Variants in FAM185A observed in about 807,000 individuals in gnomAD.
The protein encoded by FAM185A is protein FAM185A.
In FAM185A, 21 loss-of-function variants were observed where a neutral mutation model predicts 45.7. That is an observed-to-expected ratio of 0.46 (90% confidence interval 0.33 to 0.66). FAM185A has a LOEUF of 0.66. Ranked by LOEUF, FAM185A falls within the 30% of genes least tolerant of loss-of-function variation. The pLI is 0.03. For synonymous variants in FAM185A, 117 were observed against 194.0 expected, an observed-to-expected ratio of 0.60 and a Z score of 3.30; for missense variants, 305 against 485.4, an observed-to-expected ratio of 0.63 and a Z score of 3.49.
chr7:102,827,489 T>C, the FAM185A span, among the ~76,000 whole-genome samples: 1 of 152,302 alleles, frequency 6.6e-6, no homozygotes, highest in Non-Finnish European at 1.5e-5. Flanking sequence ...GTGCCAGGAA[T>C]CTCATCCTTT....
At chr7:102,777,623 CTG>C (rs1259474019) in intron 6 of FAM185A, among the ~76,000 whole-genome samples, 224 of 152,252 alleles carry the variant, frequency 1.5e-3, no homozygotes, top group African/African-American at 5.0e-3. Context: ...AAATGTTACT[CTG>C]TGGATTTTTC....
At chr7:102,801,878 C>T (rs1351309560) in intron 7 of FAM185A, among the ~76,000 whole-genome samples, 4 of 150,752 alleles carry the variant, frequency 2.7e-5, no homozygotes, top group East Asian at 3.9e-4. Flanking sequence ...GCTGAGATCA[C>T]GCCATTGCAC....
intron 7 of FAM185A, among the ~76,000 whole-genome samples, chr7:102,795,225 G>A (rs948104474): frequency 2.6e-5 from 4 of 152,162 alleles, no homozygotes; most frequent in African/African-American, 9.7e-5. Context: ...CTAATTTCCT[G>A]GTTTTGATAG....
the FAM185A span, among the ~76,000 whole-genome samples, chr7:102,835,614 T>G: frequency 1.1e-5 from 1 of 92,152 alleles, no homozygotes; most frequent in South Asian, 3.2e-4. Flanking sequence ...TTTTTTTTTT[T>G]TTTTTTTTTT....
chr7:102,829,008 G>C, the FAM185A span, among the ~76,000 whole-genome samples: 2 of 152,132 alleles, frequency 1.3e-5, no homozygotes, highest in East Asian at 1.9e-4. Context: ...CTGAGGATAG[G>C]GGGTACTGAC....
intron 5 of FAM185A, among the ~76,000 whole-genome samples, chr7:102,776,988 A>C (rs1480005826): frequency 6.6e-6 from 1 of 152,194 alleles, no homozygotes; most frequent in Admixed American, 6.5e-5. Flanking sequence ...CTTCCGACTC[A>C]TTAAGTTTTA....
chr7:102,800,936 G>A (rs946909566), intron 7 of FAM185A, among the ~76,000 whole-genome samples: 1 of 152,114 alleles, frequency 6.6e-6, no homozygotes, highest in African/African-American at 2.4e-5. Flanking sequence ...ATTGACATCA[G>A]GTTATCCAAA....
rs377504085 is a variant in FAM185A, at chr7:102,794,100, C to T, written c.1066+6631C>T. ...AGCTTTCAGGGCATACAAAAACAGGCCCCTGGCCAGATTTGGCCTGTGAGC... is the reference window on the plus strand; with the variant it reads ...AGCTTTCAGGGCATACAAAAACAGGTCCCTGGCCAGATTTGGCCTGTGAGC... On this transcript the variant is annotated intron_variant, in intron 7 of 7. Coordinates refer to ENST00000413034, the MANE Select transcript of FAM185A (RefSeq NM_001145268.2). Among the ~76,000 whole-genome samples the T allele has an allele frequency of 1.9e-4, 28 of 151,268 alleles. No homozygotes were observed. In the East Asian group the frequency reaches 4.9e-3, roughly 26 times the overall value.
chr7:102,756,603 G>C (rs1793754817), intron 2 of FAM185A, among the ~76,000 whole-genome samples: 1 of 150,570 alleles, frequency 6.6e-6, no homozygotes, highest in Admixed American at 6.6e-5. Flanking sequence ...CTTGCAGTGA[G>C]CCGAGATCTC....
At chr7:102,814,469 C>G in the FAM185A span, 1 of 152,022 alleles carries the variant, frequency 6.6e-6, no homozygotes, top group Non-Finnish European at 1.5e-5. Flanking sequence ...GAAAAAAAAC[C>G]AACAACATAG....
intron 4 of FAM185A, among the ~76,000 whole-genome samples, chr7:102,770,084 T>A (rs1794658306): frequency 6.6e-6 from 1 of 152,246 alleles, no homozygotes; most frequent in Admixed American, 6.5e-5. Context: ...TGTCTCACAC[T>A]AGGTGAATCT....
the FAM185A span, among the ~76,000 whole-genome samples, chr7:102,823,973 G>C: frequency 1.3e-5 from 2 of 152,110 alleles, no homozygotes; most frequent in Non-Finnish European, 1.5e-5. Flanking sequence ...AAGGCCCACA[G>C]AATTGTAGAA....
At chr7:102,756,518 G>A (rs1187699767) in intron 2 of FAM185A, among the ~76,000 whole-genome samples, 15 of 151,772 alleles carry the variant, frequency 9.9e-5, no homozygotes, top group Non-Finnish European at 1.9e-4. Context: ...TTAGCCTGGC[G>A]TGATGGCATA....
chr7:102,827,763 G>A, the FAM185A span, among the ~76,000 whole-genome samples: 1 of 152,058 alleles, frequency 6.6e-6, no homozygotes, highest in Non-Finnish European at 1.5e-5. Flanking sequence ...ACCTATGAGT[G>A]AGAACATGCA....
rs750810935 is a variant in FAM185A, at chr7:102,798,720, A to ATTTAT, written c.1067-9556_1067-9552dup. Among the ~76,000 whole-genome samples, 189 of 152,154 alleles carry ATTTAT rather than the reference A, an allele frequency of 1.2e-3. 1 individual carries two copies. Among genetic ancestry groups the ATTTAT allele is most frequent in the Middle Eastern group, 6.8e-3 (2 of 294 alleles). On this transcript the variant is annotated intron_variant, in intron 7 of 7. Coordinates refer to ENST00000413034, the MANE Select transcript of FAM185A (RefSeq NM_001145268.2). Reference sequence around the variant, plus strand: ...CAGGATTTCCTGTTCTTTCCTCCACATTTATTTTATTTTATTTTTAAATTT... The same window carrying ATTTAT: ...CAGGATTTCCTGTTCTTTCCTCCACATTTATTTTATTTTATTTTATTTTTAAATTT...
At chr7:102,837,364 C>T in the FAM185A span, among the ~76,000 whole-genome samples, 6 of 152,170 alleles carry the variant, frequency 3.9e-5, no homozygotes, top group African/African-American at 1.4e-4. Context: ...ATGGAGAGAA[C>T]TCTGAAAGGG....
At chr7:102,764,898 T>C (rs1236282400) in intron 4 of FAM185A, among the ~76,000 whole-genome samples, 2 of 152,338 alleles carry the variant, frequency 1.3e-5, no homozygotes, top group East Asian at 1.9e-4. Flanking sequence ...AACTTTCTTT[T>C]TGGTGGATTT....
At chr7:102,809,790 A>G (rs1247064565), downstream of FAM185A, among the ~76,000 whole-genome samples, 1 of 152,316 alleles carries the variant, frequency 6.6e-6, no homozygotes, top group East Asian at 1.9e-4. Flanking sequence ...TGTAGTTTGG[A>G]TATCTGTCCC....
Position 102,749,384 on chromosome 7 carries a change from G to T in FAM185A, c.177G>T (p.Pro59=), listed in dbSNP as rs1227967838. ...GSETEVPPPG[P]GRRTLKEWTL... The stretch of plus-strand genomic sequence containing the variant: ...AGACTGAGGTCCCTCCGCCTGGCCC[G>T]GGGCGCCGAACTCTGAAGGAGTGGA... Residue 59 remains proline, a synonymous_variant, in exon 1 of 8, where the codon CCG becomes CCT. Coordinates refer to ENST00000413034, the MANE Select transcript of FAM185A (RefSeq NM_001145268.2). The T allele has an allele frequency of 2.6e-6, 4 of 1,548,292 alleles. No individual in the cohort carries two copies. The highest frequency in any genetic ancestry group is 3.5e-6 in the Non-Finnish European group (4 of 1,146,558).
Sources: allele counts gnomAD v4.1 joint callset (sites outside exome capture counted in the v4.1 genomes callset), GRCh38; gene constraint gnomAD v4.1.1; transcripts MANE v1.5; gene names NCBI Gene and HGNC (gene_info 2026-07-23, HGNC 2026-07-21).